Variants in VSNL1 observed in about 807,000 individuals in gnomAD.
The protein encoded by VSNL1 is visinin-like protein 1.
A neutral mutation model predicts 20.4 loss-of-function variants in VSNL1; 6 were observed. The ratio of observed to expected loss-of-function variants is 0.29; its 90% CI spans 0.16 to 0.58. The LOEUF (loss-of-function observed/expected upper bound fraction) is 0.58, where lower values mean the gene tolerates loss of function less well. Ranked by LOEUF, VSNL1 falls within the 20% of genes least tolerant of loss-of-function variation. The pLI is 0.90. For missense variants in VSNL1, 100 were observed against 234.5 expected (o/e 0.43, Z 3.75); for synonymous variants, 93 against 86.4 (o/e 1.08, Z -0.42).
At chr2:17,641,655 C>A (rs1357808327) in intron 2 of VSNL1, among the ~76,000 whole-genome samples, 1 of 152,162 alleles carries the variant, frequency 6.6e-6, no homozygotes, top group Non-Finnish European at 1.5e-5. Context: ...TCAGTAAGTA[C>A]CCTTCAGGGT....
chr2:17,637,170 C>T (rs1665770982), intron 2 of VSNL1, among the ~76,000 whole-genome samples: 1 of 152,206 alleles, frequency 6.6e-6, no homozygotes, highest in Non-Finnish European at 1.5e-5. Context: ...CCAGTGGAGG[C>T]ATCTTTATTC....
chr2:17,582,556 C>A (rs1370498666), intron 1 of VSNL1, among the ~76,000 whole-genome samples: 2 of 152,232 alleles, frequency 1.3e-5, no homozygotes, highest in East Asian at 1.9e-4. Context: ...AAAGTAGAAT[C>A]TACCAACTTC....
rs1196026414 is a variant in VSNL1, at chr2:17,616,959, T to C, written c.162+24723T>C. Among the ~76,000 whole-genome samples the C allele has an allele frequency of 7.7e-4, 117 of 152,122 alleles. 2 individuals are homozygous for C. Among genetic ancestry groups the C allele is most frequent in the Non-Finnish European group, 3.8e-4 (26 of 67,912 alleles). ...GTGTAACACAGAGAATGGCCTCCTTTGACACCCACTCGTCCCTTGGGGGGT... is the reference window on the plus strand; with the variant it reads ...GTGTAACACAGAGAATGGCCTCCTTCGACACCCACTCGTCCCTTGGGGGGT... On this transcript the variant is annotated intron_variant, in intron 2 of 3. Coordinates refer to ENST00000295156, the MANE Select transcript of VSNL1 (RefSeq NM_003385.5).
intron 2 of VSNL1, among the ~76,000 whole-genome samples, chr2:17,621,551 T>C (rs1665359265): frequency 6.6e-6 from 1 of 152,202 alleles, no homozygotes; most frequent in South Asian, 2.1e-4. Flanking sequence ...CTCGAACTCC[T>C]GACCTCAAGT....
At chr2:17,604,007 TC>T (rs1395906502) in intron 2 of VSNL1, among the ~76,000 whole-genome samples, 2 of 152,060 alleles carry the variant, frequency 1.3e-5, no homozygotes, top group Non-Finnish European at 2.9e-5. Context: ...AGGTAGGACA[TC>T]CATGGATATC....
At chr2:17,560,608 T>C (rs1333014384) in intron 1 of VSNL1, among the ~76,000 whole-genome samples, 4 of 152,154 alleles carry the variant, frequency 2.6e-5, no homozygotes, top group Non-Finnish European at 5.9e-5. Context: ...TCACATTACA[T>C]AAAATGAATT....
chr2:17,618,904 C>T (rs1572201916), intron 2 of VSNL1, among the ~76,000 whole-genome samples: 1 of 152,270 alleles, frequency 6.6e-6, no homozygotes, highest in African/African-American at 2.4e-5. Context: ...CCATATGTCA[C>T]CAGAAAATTC....
At chr2:17,604,493 G>A (rs1326497781) in intron 2 of VSNL1, among the ~76,000 whole-genome samples, 26 of 152,232 alleles carry the variant, frequency 1.7e-4, no homozygotes, top group Admixed American at 1.7e-3. Flanking sequence ...TTAGGGAGGA[G>A]GCCCTTCCTT....
rs79435106 is a variant in VSNL1 at position 17,575,309 on chromosome 2, T to G, written c.-5-16761T>G. Among the ~76,000 whole-genome samples, 102 of 152,302 alleles carry G rather than the reference T, an allele frequency of 6.7e-4. 1 individual carries two copies. In the East Asian group the frequency reaches 0.019, roughly 28 times the overall value. On this transcript the variant is annotated intron_variant, in intron 1 of 3. Coordinates refer to ENST00000295156, the MANE Select transcript of VSNL1 (RefSeq NM_003385.5). Reference sequence around the variant, plus strand: ...GAATAAAAGGGCATCCATCATTAGCTTAAAATACAAGGGACTACCTACCTC... The same window carrying G: ...GAATAAAAGGGCATCCATCATTAGCGTAAAATACAAGGGACTACCTACCTC...
chr2:17,608,648 G>A (rs954433062), intron 2 of VSNL1, among the ~76,000 whole-genome samples: 3 of 152,162 alleles, frequency 2.0e-5, no homozygotes, highest in Non-Finnish European at 2.9e-5. Flanking sequence ...GACACCTGGA[G>A]CACCTATCTC....
intron 2 of VSNL1, among the ~76,000 whole-genome samples, chr2:17,630,291 G>A (rs919656028): frequency 3.3e-5 from 5 of 152,216 alleles, no homozygotes; most frequent in Admixed American, 6.5e-5. Flanking sequence ...AGCCCAGAGT[G>A]CCCTCTTGAG....
intron 2 of VSNL1, among the ~76,000 whole-genome samples, chr2:17,641,114 C>G (rs1163213006): frequency 6.6e-6 from 1 of 152,212 alleles, no homozygotes; most frequent in Non-Finnish European, 1.5e-5. Context: ...GTGTTCTCAT[C>G]ATTGTCACCA....
intron 3 of VSNL1, among the ~76,000 whole-genome samples, chr2:17,651,773 A>G (rs1428101671): frequency 6.6e-6 from 1 of 152,092 alleles, no homozygotes; most frequent in Non-Finnish European, 1.5e-5. Context: ...CAGAGCTTTT[A>G]TGGATTGATT....
intron 2 of VSNL1, among the ~76,000 whole-genome samples, chr2:17,595,025 A>G (rs529307144): frequency 1.3e-5 from 2 of 152,274 alleles, no homozygotes; most frequent in African/African-American, 2.4e-5. Context: ...CTCTCAGCCA[A>G]ACTCCCAGGG....
intron 2 of VSNL1, among the ~76,000 whole-genome samples, chr2:17,597,879 AC>A (rs1664744494): frequency 6.6e-6 from 1 of 152,132 alleles, no homozygotes; most frequent in Non-Finnish European, 1.5e-5. Flanking sequence ...ACTTCACCAA[AC>A]CATCTTTATT....
chr2:17,617,891 A>G (rs111742746), intron 2 of VSNL1, among the ~76,000 whole-genome samples: 90 of 98,724 alleles, frequency 9.1e-4, no homozygotes, highest in East Asian at 7.9e-3. Context: ...ATGCACGCGC[A>G]CACACACACA....
At chr2:17,598,157 T>C (rs1664750698) in intron 2 of VSNL1, among the ~76,000 whole-genome samples, 1 of 152,250 alleles carries the variant, frequency 6.6e-6, no homozygotes. Context: ...AGAATTCTAC[T>C]TCTAAATTGT....
At chr2:17,540,111 C>T (rs1369781038), upstream of VSNL1, 2 of 152,308 alleles carry the variant, frequency 1.3e-5, no homozygotes, top group East Asian at 3.9e-4. Flanking sequence ...TCCCAGTACT[C>T]CTAGCAGAAG....
At chr2:17,557,882 G>C (rs531417437) in intron 1 of VSNL1, among the ~76,000 whole-genome samples, 1 of 152,124 alleles carries the variant, frequency 6.6e-6, no homozygotes, top group Non-Finnish European at 1.5e-5. Context: ...TCCCAAACCC[G>C]TGGTTGCTTT....
Sources: gnomAD v4.1 joint callset for allele counts (sites outside exome capture counted in the v4.1 genomes callset) on GRCh38, gnomAD v4.1.1 for gene constraint, MANE v1.5 for transcripts, NCBI Gene and HGNC (gene_info 2026-07-23, HGNC 2026-07-21) for gene names.